DCC: variants seen among roughly 807,000 people sequenced by gnomAD.
DCC encodes DCC netrin 1 receptor.
In DCC, 58 loss-of-function variants were observed where a neutral mutation model predicts 172.5. The ratio of observed to expected loss-of-function variants is 0.34; its 90% CI spans 0.27 to 0.42. The LOEUF (loss-of-function observed/expected upper bound fraction) is 0.42, where lower values mean the gene tolerates loss of function less well. Among genes scored for constraint, DCC ranks in the 10% least tolerant of loss-of-function variants. The pLI is 1.00. For missense variants in DCC, 1,740 were observed against 1,791.0 expected, an observed-to-expected ratio of 0.97 and a Z score of 0.51; for synonymous variants, 709 against 644.5, an observed-to-expected ratio of 1.10 and a Z score of -1.52.
intron 3 of DCC, 138 bp downstream of exon 3, chr18:52,906,466 C>A: frequency 1.0e-6 from 1 of 955,014 alleles, no homozygotes; most frequent in Non-Finnish European, 1.6e-6. Context: ...TTTCTTTCTT[C>A]CTTGCCGAAG....
At chr18:52,590,512 G>A (rs1043390658) in intron 1 of DCC, among the ~76,000 whole-genome samples, 3 of 152,154 alleles carry the variant, frequency 2.0e-5, no homozygotes, top group African/African-American at 7.2e-5. Context: ...CACTTTAGGA[G>A]CCTCTCTGGT....
intron 7 of DCC, among the ~76,000 whole-genome samples, chr18:53,081,105 T>A (rs35840237): frequency 0.66 from 100,217 of 151,856 alleles, 34,292 homozygotes; most frequent in African/African-American, 0.81. Flanking sequence ...GTAAAAACTA[T>A]CACTTTTTCC....
At chr18:52,885,080 C>A (rs12965339) in intron 2 of DCC, among the ~76,000 whole-genome samples, 42,850 of 152,002 alleles carry the variant, frequency 0.28, 7,670 homozygotes, top group Non-Finnish European at 0.41. Context: ...GTGGCTACCA[C>A]CACTAGGAAT....
chr18:52,995,743 A>G (rs2041467497), intron 5 of DCC, among the ~76,000 whole-genome samples: 1 of 152,028 alleles, frequency 6.6e-6, no homozygotes, highest in Admixed American at 6.6e-5. Flanking sequence ...ACATCTGAAC[A>G]TAAGGCACCT....
At chr18:53,307,621 G>A (rs2057215063) in intron 13 of DCC, among the ~76,000 whole-genome samples, 1 of 151,236 alleles carries the variant, frequency 6.6e-6, no homozygotes. Context: ...ATTAACTAAA[G>A]GATTAATATT....
intron 1 of DCC, among the ~76,000 whole-genome samples, chr18:52,723,721 C>G (rs965411246): frequency 1.3e-5 from 2 of 152,020 alleles, no homozygotes; most frequent in African/African-American, 4.8e-5. Flanking sequence ...AGGGGCCCAG[C>G]CAAGTAGACT....
chr18:53,022,523 T>C (rs2041894807), intron 5 of DCC, among the ~76,000 whole-genome samples: 1 of 138,168 alleles, frequency 7.2e-6, no homozygotes, highest in Non-Finnish European at 1.6e-5. Context: ...ATATGTTCAG[T>C]ATTTTTTATA....
chr18:53,511,979 C>T (rs1370657060), intron 27 of DCC, among the ~76,000 whole-genome samples: 9 of 152,206 alleles, frequency 5.9e-5, no homozygotes, highest in African/African-American at 2.2e-4. Context: ...TCAAGGAAGC[C>T]TGCCTGCCTC....
chr18:52,838,110 T>C (rs1300557912), intron 2 of DCC, among the ~76,000 whole-genome samples: 1 of 152,144 alleles, frequency 6.6e-6, no homozygotes, highest in Non-Finnish European at 1.5e-5. Context: ...CAAACTAAGA[T>C]TTGGGTGAGG....
At chr18:52,618,720 T>C (rs2219556) in intron 1 of DCC, among the ~76,000 whole-genome samples, 10,651 of 152,280 alleles carry the variant, frequency 0.07, 460 homozygotes, top group Middle Eastern at 0.12. Context: ...TATTCTAATA[T>C]ATTTTGTACT....
At chr18:52,364,582 T>C (rs1257912414) in intron 1 of DCC, among the ~76,000 whole-genome samples, 2 of 152,344 alleles carry the variant, frequency 1.3e-5, no homozygotes, top group East Asian at 1.9e-4. Context: ...ATTTATTACA[T>C]AGCATTCCTC....
chr18:52,602,257 T>A (rs1198718997), intron 1 of DCC, among the ~76,000 whole-genome samples: 1 of 152,116 alleles, frequency 6.6e-6, no homozygotes, highest in Non-Finnish European at 1.5e-5. Context: ...ATAGAAAGCC[T>A]TGATTTGTTC....
intron 1 of DCC, among the ~76,000 whole-genome samples, chr18:52,392,618 ATG>A (rs146013721): frequency 6.6e-6 from 1 of 151,860 alleles, no homozygotes; most frequent in Non-Finnish European, 1.5e-5. Flanking sequence ...GGGCTTAAGA[ATG>A]TGTGTGTGTG....
chr18:53,351,472 A>ACAG lies in DCC; in HGVS notation c.2359+11565_2359+11566insCAG, dbSNP rs1568075566. Among the ~76,000 whole-genome samples, 33 of 59,864 alleles carry ACAG rather than the reference A, an allele frequency of 5.5e-4. 2 individuals carry two copies. The highest frequency in any genetic ancestry group is 4.3e-3 in the South Asian group (10 of 2,308). 39.3% of individuals were successfully genotyped at this position (59,864 alleles called of 152,430 possible). A position where few individuals can be genotyped will look rare whatever the true frequency, so the allele number is the denominator to read the frequency against. On this transcript the variant is annotated intron_variant, in intron 15 of 28. Transcript: ENST00000442544. Reference sequence around the variant, plus strand: ...ATATATATATACACAGTGTGTATATATATATATATATATATATAGTGTGTA... The same window carrying ACAG: ...ATATATATATACACAGTGTGTATATACAGTATATATATATATATATAGTGTGTA...
Position 53,512,333 on chromosome 18 carries a change from A to G in DCC, c.4111+12823A>G, listed in dbSNP as rs879270585. On this transcript the variant is annotated intron_variant, in intron 27 of 28. Transcript: ENST00000442544. Reference sequence around the variant, plus strand: ...TGTACATCACCATCATCAAAGACCAAAAGTAGATAAAACCACAAAGATGGG... The same window carrying G: ...TGTACATCACCATCATCAAAGACCAGAAGTAGATAAAACCACAAAGATGGG... 6.5e-3 allele frequency among the ~76,000 whole-genome samples: 969 copies of G among 149,364 alleles called. 5 individuals carry two copies. The highest frequency in any genetic ancestry group is 0.01 in the Middle Eastern group (3 of 288).
intron 13 of DCC, among the ~76,000 whole-genome samples, chr18:53,319,576 T>G (rs1036061252): frequency 6.6e-6 from 1 of 152,204 alleles, no homozygotes; most frequent in Admixed American, 6.5e-5. Flanking sequence ...GGTATATCAG[T>G]CAGATTTTCA....
chr18:52,559,534 T>C (rs1031590991), intron 1 of DCC, among the ~76,000 whole-genome samples: 1 of 152,102 alleles, frequency 6.6e-6, no homozygotes, highest in African/African-American at 2.4e-5. Flanking sequence ...CATGCAACAC[T>C]GACAAAATGC....
In DCC at chr18:52,871,693, A is replaced by G. The variant is rs570725521; in HGVS notation, c.413-34351A>G. Among the ~76,000 whole-genome samples, 3 of 152,268 alleles carry G rather than the reference A, an allele frequency of 2.0e-5. No individual in the cohort carries two copies. In the East Asian group the frequency reaches 5.8e-4, roughly 29 times the overall value. ...TGGTTTTAAACTCCTGGGCTCAAGC[A>G]GTCATCCTACCTTGACCTCCCAAAG... is the stretch of plus-strand genomic sequence containing the variant. On this transcript the variant is annotated intron_variant, in intron 2 of 28. Coordinates refer to ENST00000442544, the MANE Select transcript of DCC (RefSeq NM_005215.4).
intron 2 of DCC, among the ~76,000 whole-genome samples, chr18:52,831,271 G>A (rs960839613): frequency 1.4e-4 from 21 of 152,126 alleles, no homozygotes; most frequent in African/African-American, 4.1e-4. Context: ...GCTATGATTA[G>A]AAGTGAGAGC....
Sources: allele counts gnomAD v4.1 joint callset (sites outside exome capture counted in the v4.1 genomes callset), GRCh38; gene constraint gnomAD v4.1.1; transcripts MANE v1.5; gene names NCBI Gene and HGNC (gene_info 2026-07-23, HGNC 2026-07-21).